LPXN: variants seen among roughly 807,000 people sequenced by gnomAD.
The protein encoded by LPXN is leupaxin.
In LPXN, 28 loss-of-function variants were observed where a neutral mutation model predicts 45.6. The observed-to-expected ratio is 0.61, with a 90% CI of 0.45 to 0.84. The LOEUF is 0.84. Ranked by LOEUF, LPXN falls within the 40% of genes least tolerant of loss-of-function variation. The pLI, the probability that LPXN is intolerant of heterozygous loss-of-function variation, is 0.00. For missense variants in LPXN, 459 were observed against 475.0 expected (o/e 0.97, Z 0.31); for synonymous variants, 166 against 169.9 (o/e 0.98, Z 0.18).
rs1445690969 is a variant in LPXN at position 58,526,986 on chromosome 11, A to G, written c.*468T>C. The G allele has an allele frequency of 1.9e-5, 3 of 156,960 alleles. No individual in the cohort carries two copies. Among genetic ancestry groups the G allele is most frequent in the Admixed American group, 1.8e-4 (3 of 16,396 alleles). 9.7% of individuals were successfully genotyped at this position (156,960 alleles called of 1,614,324 possible). A position where few individuals can be genotyped will look rare whatever the true frequency, so the allele number is the denominator to read the frequency against. ...ACACTGAAGGAAGATGCAAAGAGCT[A>G]AAAGTGGTATCATGATTCCACAGCA... On this transcript the variant is annotated 3_prime_UTR_variant, in exon 9 of 9. Coordinates refer to ENST00000395074, the MANE Select transcript of LPXN (RefSeq NM_004811.3).
At chr11:58,558,264 TG>T (rs1361991320) in intron 3 of LPXN, among the ~76,000 whole-genome samples, 1 of 151,576 alleles carries the variant, frequency 6.6e-6, no homozygotes, top group Non-Finnish European at 1.5e-5. Flanking sequence ...AAGATAGGGC[TG>T]GGTGCGATCG....
At chr11:58,535,153 C>T (rs936545022) in intron 7 of LPXN, among the ~76,000 whole-genome samples, 2 of 152,174 alleles carry the variant, frequency 1.3e-5, no homozygotes, top group Non-Finnish European at 2.9e-5. Flanking sequence ...AGGGGGAATC[C>T]TCCCTAACTC....
At position 58,573,729 on chromosome 11, in the gene LPXN, C is replaced by CG. The variant is rs553937899; in HGVS notation, c.13+2030dup. On this transcript the variant is annotated intron_variant, in intron 1 of 8. Transcript: ENST00000395074. ...ATATGGGATTCCTGGAGAGTGGGGG[C>CG]GGGGGAAGTGGGGACTAGACTGAAG... Among the ~76,000 whole-genome samples the CG allele has an allele frequency of 3.0e-3, 461 of 151,894 alleles. 2 individuals carry two copies. Among genetic ancestry groups the CG allele is most frequent in the African/African-American group, 0.011 (444 of 41,378 alleles).
intron 1 of LPXN, among the ~76,000 whole-genome samples, chr11:58,574,321 T>C (rs1054690151): frequency 6.6e-6 from 1 of 152,162 alleles, no homozygotes; most frequent in African/African-American, 2.4e-5. Context: ...ACTTCTAAAA[T>C]AGGAGAGCAC....
chr11:58,527,289 T>C lies in LPXN; in HGVS notation c.*165A>G, dbSNP rs997958921. On this transcript the variant is annotated 3_prime_UTR_variant, in exon 9 of 9. Transcript: ENST00000395074. ...TATAGAAGCCTAAAAAATAAGATTA[T>C]CAGCCTAGTCATGTAAAGTCTAGAA... 3.1e-6 allele frequency: 2 copies of C among 640,262 alleles called. No individual in the cohort carries two copies. The highest frequency in any genetic ancestry group is 5.4e-6 in the Non-Finnish European group (2 of 373,628). The allele number at this position is 640,262 out of a possible 1,614,324, so 39.7% of individuals were successfully genotyped here. A position where few individuals can be genotyped will look rare whatever the true frequency, so the allele number is the denominator to read the frequency against.
chr11:58,532,484 C>T (rs746084455), intron 7 of LPXN, among the ~76,000 whole-genome samples: 16 of 152,216 alleles, frequency 1.1e-4, no homozygotes, highest in Non-Finnish European at 2.2e-4. Context: ...CTGTGTCTGG[C>T]TCAGGGATTG....
At chr11:58,536,560 A>T (rs1393538004) in intron 7 of LPXN, among the ~76,000 whole-genome samples, 1 of 152,244 alleles carries the variant, frequency 6.6e-6, no homozygotes, top group Non-Finnish European at 1.5e-5. Flanking sequence ...AAATTCCTAG[A>T]AGAAAACCTA....
chr11:58,547,048 T>C (rs1013773815), intron 7 of LPXN, among the ~76,000 whole-genome samples: 7 of 152,018 alleles, frequency 4.6e-5, no homozygotes, highest in Admixed American at 2.0e-4. Flanking sequence ...GAGTTGGATA[T>C]GTGTGCCTTG....
chr11:58,566,741 C>T (rs1854538324), intron 2 of LPXN, among the ~76,000 whole-genome samples: 1 of 152,156 alleles, frequency 6.6e-6, no homozygotes, highest in South Asian at 2.1e-4. Flanking sequence ...TTGCTAAAAG[C>T]TTCAAAAGCT....
intron 7 of LPXN, among the ~76,000 whole-genome samples, chr11:58,533,356 G>A (rs1380117146): frequency 6.6e-6 from 1 of 152,226 alleles, no homozygotes; most frequent in Non-Finnish European, 1.5e-5. Flanking sequence ...CCAGAAGAGA[G>A]TGGGGGCCAA....
intron 7 of LPXN, among the ~76,000 whole-genome samples, chr11:58,537,052 C>T (rs1853574693): frequency 6.6e-6 from 1 of 151,626 alleles, no homozygotes; most frequent in African/African-American, 2.4e-5. Context: ...AATGCTTTTA[C>T]ACTGTTGGTG....
chr11:58,565,979 C>G (rs12801512), intron 2 of LPXN, among the ~76,000 whole-genome samples: 10,422 of 152,234 alleles, frequency 0.068, 408 homozygotes, highest in South Asian at 0.099. Context: ...GCCTGGGCAA[C>G]AGAGTGACAC....
chr11:58,554,219 A>C (rs938226017), intron 4 of LPXN: 1 of 153,366 alleles, frequency 6.5e-6, no homozygotes, highest in African/African-American at 2.4e-5. Flanking sequence ...AGGCTGAGGC[A>C]GGAGGATCGC....
In LPXN at chr11:58,527,444, T is replaced by A. The variant is rs1282147768; in HGVS notation, c.*10A>T. On this transcript the variant is annotated 3_prime_UTR_variant, in exon 9 of 9. Transcript: ENST00000395074. ...ATAAGGAATCTGAAGAGGCTATGGATCAGTTGGCATTACAGTGGGAAGAGC... is the reference window on the plus strand; with the variant it reads ...ATAAGGAATCTGAAGAGGCTATGGAACAGTTGGCATTACAGTGGGAAGAGC... 1 of 1,613,828 alleles carries A rather than the reference T, an allele frequency of 6.2e-7. No individual in the cohort carries two copies. Among genetic ancestry groups the A allele is most frequent in the Non-Finnish European group, 8.5e-7 (1 of 1,179,846 alleles).
intron 2 of LPXN, among the ~76,000 whole-genome samples, chr11:58,569,356 A>G (rs545239233): frequency 1.3e-5 from 2 of 152,222 alleles, no homozygotes; most frequent in South Asian, 4.1e-4. Flanking sequence ...GATAGCTTTA[A>G]CTGTAAATTT....
intron 7 of LPXN, among the ~76,000 whole-genome samples, chr11:58,536,620 C>T (rs1853562017): frequency 6.6e-6 from 1 of 152,142 alleles, no homozygotes; most frequent in Middle Eastern, 3.2e-3. Context: ...ATGACTAAAA[C>T]ACCAAAAGCA....
chr11:58,541,732 C>G (rs1437768370), intron 7 of LPXN, among the ~76,000 whole-genome samples: 1 of 150,998 alleles, frequency 6.6e-6, no homozygotes, highest in Non-Finnish European at 1.5e-5. Flanking sequence ...TATAAAGACA[C>G]ATGCACACGT....
intron 3 of LPXN, among the ~76,000 whole-genome samples, chr11:58,560,186 T>C (rs893989396): frequency 6.6e-6 from 1 of 152,198 alleles, no homozygotes. Context: ...CTAACACACA[T>C]GGCCAACAGA....
upstream of LPXN, among the ~76,000 whole-genome samples, chr11:58,577,227 G>C (rs182548638): frequency 3.9e-5 from 6 of 152,088 alleles, no homozygotes; most frequent in Admixed American, 1.3e-4. Flanking sequence ...CCAAAAGTCT[G>C]CTCACTACAA....
Sources: allele counts gnomAD v4.1 joint callset (sites outside exome capture counted in the v4.1 genomes callset), GRCh38; gene constraint gnomAD v4.1.1; transcripts MANE v1.5; gene names NCBI Gene and HGNC (gene_info 2026-07-23, HGNC 2026-07-21).